FILIP1L: variants seen among roughly 807,000 people sequenced by gnomAD.
FILIP1L encodes the protein filamin A-interacting protein 1-like.
FILIP1L carries 55 observed loss-of-function variants against 96.6 expected under a neutral mutation model. That is an observed-to-expected ratio of 0.57 (90% CI 0.46 to 0.71). The LOEUF is 0.71. Ranked by LOEUF, FILIP1L falls within the 30% of genes least tolerant of loss-of-function variation. The probability of loss-of-function intolerance (pLI) is 0.00; values close to 1 mark genes in which losing one functional copy is unlikely to be tolerated. For missense variants in FILIP1L, 1,304 were observed against 1,321.2 expected (o/e 0.99, Z 0.20); for synonymous variants, 467 against 473.9 (o/e 0.99, Z 0.19).
At chr3:99,960,510 G>T (rs1035368165) in intron 1 of FILIP1L, among the ~76,000 whole-genome samples, 2 of 152,186 alleles carry the variant, frequency 1.3e-5, no homozygotes, top group African/African-American at 4.8e-5. Flanking sequence ...GAATATAAAA[G>T]ATTACAGCGT....
intron 1 of FILIP1L, among the ~76,000 whole-genome samples, chr3:100,006,769 A>T (rs1163266991): frequency 6.6e-6 from 1 of 152,190 alleles, no homozygotes; most frequent in Non-Finnish European, 1.5e-5. Flanking sequence ...GTTTTGAATC[A>T]GATAAGTAAA....
intron 1 of FILIP1L, among the ~76,000 whole-genome samples, chr3:99,966,443 A>G (rs1708654279): frequency 6.6e-6 from 1 of 152,192 alleles, no homozygotes; most frequent in Non-Finnish European, 1.5e-5. Flanking sequence ...AGAACTAGAT[A>G]TAATTCAGTC....
intron 1 of FILIP1L, among the ~76,000 whole-genome samples, chr3:100,094,776 C>T (rs571863584): frequency 2.0e-5 from 3 of 149,464 alleles, no homozygotes; most frequent in African/African-American, 4.9e-5. Context: ...CTCTGCCTCC[C>T]GGGTTCATGC....
intron 4 of FILIP1L, among the ~76,000 whole-genome samples, chr3:99,865,375 C>T (rs1944462770): frequency 6.6e-6 from 1 of 152,116 alleles, no homozygotes; most frequent in African/African-American, 2.4e-5. Context: ...TCTCATGAGC[C>T]ATCCTCTCCA....
intron 1 of FILIP1L, among the ~76,000 whole-genome samples, chr3:99,965,528 ATTTG>A (rs200985339): frequency 0.016 from 2,373 of 152,236 alleles, 55 homozygotes; most frequent in African/African-American, 0.054. Flanking sequence ...ACTTTTCTTC[ATTTG>A]TTTGTTTGTA....
In FILIP1L at chr3:99,849,948, CTCT is replaced by C. The variant is rs766306040; in HGVS notation, c.1725_1727del (p.Glu576del). The C allele has an allele frequency of 2.5e-6, 4 of 1,613,018 alleles. No individual in the cohort carries two copies. The Admixed American group carries it at 5.0e-5, about 20-fold the overall frequency. ...CTCTTGACAGGAGATCATTTCCTTTCTCTTCTTCCGCTTTCAATTTGTTTTTTA... is the reference window on the plus strand; with the variant it reads ...CTCTTGACAGGAGATCATTTCCTTTCTCTTCCGCTTTCAATTTGTTTTTTA... On this transcript the variant is annotated inframe_deletion, in exon 5 of 6. Transcript: ENST00000477258.
At chr3:100,038,305 G>A (rs2065144951) in intron 1 of FILIP1L, among the ~76,000 whole-genome samples, 1 of 152,102 alleles carries the variant, frequency 6.6e-6, no homozygotes, top group African/African-American at 2.4e-5. Context: ...AATAAGAAAA[G>A]TAATGAAGTA....
At chr3:100,004,106 CA>C (rs1414726383) in intron 1 of FILIP1L, among the ~76,000 whole-genome samples, 1 of 152,112 alleles carries the variant, frequency 6.6e-6, no homozygotes, top group Non-Finnish European at 1.5e-5. Flanking sequence ...TACTGAGAGA[CA>C]GTATTGGCTT....
chr3:99,994,333 C>G (rs1004327531), intron 1 of FILIP1L, among the ~76,000 whole-genome samples: 1 of 152,060 alleles, frequency 6.6e-6, no homozygotes, highest in Non-Finnish European at 1.5e-5. Flanking sequence ...ATCATCAAGT[C>G]AGAAAAGTAA....
At chr3:99,843,568 C>G (rs1943225776) in intron 5 of FILIP1L, among the ~76,000 whole-genome samples, 1 of 152,202 alleles carries the variant, frequency 6.6e-6, no homozygotes, top group Admixed American at 6.5e-5. Context: ...CATAAACCCA[C>G]TGTGAGTTGA....
At chr3:100,032,208 A>G (rs1001163226) in intron 1 of FILIP1L, among the ~76,000 whole-genome samples, 1 of 152,212 alleles carries the variant, frequency 6.6e-6, no homozygotes, top group Non-Finnish European at 1.5e-5. Context: ...GGTAGAGGAA[A>G]TTATTGATAT....
chr3:99,884,846 T>G (rs1353879464), intron 4 of FILIP1L, among the ~76,000 whole-genome samples: 1 of 152,218 alleles, frequency 6.6e-6, no homozygotes, highest in Non-Finnish European at 1.5e-5. Flanking sequence ...TTCTTGTACT[T>G]TTGAAGCAGC....
chr3:99,927,848 G>T (rs1021098546), intron 3 of FILIP1L, among the ~76,000 whole-genome samples: 1 of 152,046 alleles, frequency 6.6e-6, no homozygotes, highest in Non-Finnish European at 1.5e-5. Flanking sequence ...CCTAGCCCCA[G>T]CCCCAAGCAT....
At chr3:99,909,663 G>A (rs1321618508) in intron 4 of FILIP1L, among the ~76,000 whole-genome samples, 1 of 152,020 alleles carries the variant, frequency 6.6e-6, no homozygotes, top group Non-Finnish European at 1.5e-5. Flanking sequence ...AGTGTGTCAT[G>A]TTTTTCATCA....
intron 1 of FILIP1L, among the ~76,000 whole-genome samples, chr3:99,993,340 C>T (rs1422454535): frequency 1.3e-5 from 2 of 151,940 alleles, no homozygotes; most frequent in Non-Finnish European, 2.9e-5. Context: ...GAGCTTGGAA[C>T]TTCACTAGTT....
intron 1 of FILIP1L, among the ~76,000 whole-genome samples, chr3:100,050,303 G>A (rs1201323820): frequency 6.6e-6 from 1 of 152,058 alleles, no homozygotes; most frequent in Non-Finnish European, 1.5e-5. Context: ...AATGAGTCAG[G>A]AACTTACACA....
chr3:99,916,474 ACACACACACACG>A (rs1157795626), intron 4 of FILIP1L, among the ~76,000 whole-genome samples: 3 of 143,022 alleles, frequency 2.1e-5, no homozygotes, highest in Non-Finnish European at 3.2e-5. Context: ...ACACACACAC[ACACACACACACG>A]TTCTGTTTCT....
chr3:100,000,395 T>G (rs1709808199), intron 1 of FILIP1L, among the ~76,000 whole-genome samples: 1 of 152,224 alleles, frequency 6.6e-6, no homozygotes, highest in African/African-American at 2.4e-5. Flanking sequence ...ATATCATATA[T>G]TTATTGGCAG....
chr3:100,026,882 G>A (rs898876914), intron 1 of FILIP1L, among the ~76,000 whole-genome samples: 9 of 151,956 alleles, frequency 5.9e-5, no homozygotes, highest in East Asian at 1.9e-4. Context: ...CAAAGTCTCC[G>A]CATCTTACTC....
Sources: gnomAD v4.1 joint callset for allele counts (sites outside exome capture counted in the v4.1 genomes callset) on GRCh38, gnomAD v4.1.1 for gene constraint, MANE v1.5 for transcripts, NCBI Gene and HGNC (gene_info 2026-07-23, HGNC 2026-07-21) for gene names.